The following NECTIN2 variants were observed in gnomAD, a reference collection of about 807,000 sequenced individuals.
The protein encoded by NECTIN2 is nectin-2.
Under a neutral mutation model 56.9 loss-of-function variants are expected in NECTIN2, and 23 were observed. The observed-to-expected ratio is 0.40, with a 90% CI of 0.29 to 0.57. The LOEUF is 0.57. NECTIN2 is among the 20% of genes least tolerant of loss of function. The probability of loss-of-function intolerance (pLI) is 0.38; values close to 1 mark genes in which losing one functional copy is unlikely to be tolerated. For synonymous variants in NECTIN2, 302 were observed against 313.8 expected (o/e 0.96, Z 0.40); for missense variants, 587 against 718.3 (o/e 0.82, Z 2.09).
intron 5 of NECTIN2, among the ~76,000 whole-genome samples, chr19:44,879,977 G>T (rs748774637): frequency 1.3e-5 from 2 of 152,162 alleles, no homozygotes; most frequent in Non-Finnish European, 2.9e-5. Context: ...TGTGGACCGA[G>T]GGGCAGTCTC....
At chr19:44,873,273 C>T (rs569225514) in intron 3 of NECTIN2, among the ~76,000 whole-genome samples, 8 of 151,430 alleles carry the variant, frequency 5.3e-5, no homozygotes, top group African/African-American at 1.7e-4. Flanking sequence ...TCGTCTGTGC[C>T]ACTTTCCTCC....
At chr19:44,884,430 C>T (rs1969338673) in intron 6 of NECTIN2, among the ~76,000 whole-genome samples, 1 of 152,178 alleles carries the variant, frequency 6.6e-6, no homozygotes, top group South Asian at 2.1e-4. Context: ...GCTCGGATTA[C>T]AGGCGTGAGC....
Position 44,874,132 on chromosome 19 carries a change from T to C in NECTIN2, c.893+99T>C, listed in dbSNP as rs1969209371. 8.2e-7 allele frequency: 1 copy of C among 1,220,522 alleles called. No individual in the cohort carries two copies. The highest frequency in any genetic ancestry group is 2.2e-5 in the Admixed American group (1 of 45,646). 75.6% of individuals were successfully genotyped at this position (1,220,522 alleles called of 1,614,324 possible). ...AGGAGGGGCTGGGGGCCTGGACTCC[T>C]GGATCTGAGGGAGGAGGGGCTGGGC... is the stretch of plus-strand genomic sequence containing the variant. On this transcript the variant is annotated intron_variant, in intron 4 of 8. Coordinates refer to ENST00000252483, the MANE Select transcript of NECTIN2 (RefSeq NM_001042724.2). The surrounding 1 kb of genome is among the most constrained non-coding windows in gnomAD (Gnocchi z 6.3).
intron 5 of NECTIN2, chr19:44,878,554 A>T: frequency 6.2e-7 from 1 of 1,613,814 alleles, no homozygotes; most frequent in East Asian, 2.2e-5. Context: ...CACCCCCAGC[A>T]CTCGAGGATG....
chr19:44,889,182 T>G lies in NECTIN2; in HGVS notation c.*803T>G, dbSNP rs1430962195. The G allele has an allele frequency of 6.6e-6, 1 of 152,288 alleles. No individual in the cohort carries two copies. Among genetic ancestry groups the G allele is most frequent in the Non-Finnish European group, 1.5e-5 (1 of 68,052 alleles). The allele number at this position is 152,288 out of a possible 1,614,324, so 9.4% of individuals were successfully genotyped here. A position where few individuals can be genotyped will look rare whatever the true frequency, so the allele number is the denominator to read the frequency against. ...ATTGGGGGTAGCAATTGATACTGTTTTGTAAACTACATTTCCTACAAAATA... is the reference window on the plus strand; with the variant it reads ...ATTGGGGGTAGCAATTGATACTGTTGTGTAAACTACATTTCCTACAAAATA... On this transcript the variant is annotated 3_prime_UTR_variant, in exon 9 of 9. Coordinates refer to ENST00000252483, the MANE Select transcript of NECTIN2 (RefSeq NM_001042724.2).
intron 1 of NECTIN2, among the ~76,000 whole-genome samples, chr19:44,854,704 T>C (rs749199355): frequency 1.3e-5 from 2 of 151,892 alleles, no homozygotes; most frequent in Non-Finnish European, 2.9e-5. Context: ...TCCCAGCTAC[T>C]TGGGAGGCTG....
chr19:44,856,590 T>C (rs575734952), intron 1 of NECTIN2, among the ~76,000 whole-genome samples: 3 of 152,282 alleles, frequency 2.0e-5, no homozygotes, highest in South Asian at 2.1e-4. Context: ...TTGACCCTCA[T>C]TGAGTGGCCT....
rs1568599744 is a variant in NECTIN2 at position 44,882,306 on chromosome 19, C to G, written c.1138C>G (p.Leu380Val). ...IATAVAATGI[L>V]ICRQQRKEQT... ...TACTGCTGTGGCTGCCACGGGCATCCTTATCTGCCGGCAGCAGCGGAAGGA... is the reference window on the plus strand; with the variant it reads ...TACTGCTGTGGCTGCCACGGGCATCGTTATCTGCCGGCAGCAGCGGAAGGA... Residue 380 changes from leucine to valine, a missense_variant, in exon 6 of 9, where the codon CTT becomes GTT. Transcript: ENST00000252483. 1 of 1,556,578 alleles carries G rather than the reference C, an allele frequency of 6.4e-7. No homozygotes were observed. The highest frequency in any genetic ancestry group is 8.7e-7 in the Non-Finnish European group (1 of 1,150,650).
At chr19:44,886,329 G>C in intron 8 of NECTIN2, 110 bp downstream of exon 8, 2 of 869,192 alleles carry the variant, frequency 2.3e-6, no homozygotes, top group Non-Finnish European at 3.6e-6. Context: ...AAGGTCAAGG[G>C]TGTGTCCCCG....
chr19:44,850,010 G>A (rs1308445983), intron 1 of NECTIN2, among the ~76,000 whole-genome samples: 1 of 152,182 alleles, frequency 6.6e-6, no homozygotes, highest in African/African-American at 2.4e-5. Context: ...GAGGCACAGA[G>A]CAGAGACCAG....
At chr19:44,882,039 A>T in intron 5 of NECTIN2, 172 bp from the exon 6 acceptor site, 1 of 473,522 alleles carries the variant, frequency 2.1e-6, no homozygotes, top group Non-Finnish European at 3.4e-6. Context: ...TGCGGGGCAC[A>T]CATCCTCGCT....
In NECTIN2 at chr19:44,853,629, C is replaced by T. The variant is rs190372056; in HGVS notation, c.88+7016C>T. Among the ~76,000 whole-genome samples, 875 of 151,904 alleles carry T rather than the reference C, an allele frequency of 5.8e-3. 5 individuals are homozygous for T. The highest frequency in any genetic ancestry group is 0.02 in the African/African-American group (827 of 41,424). On this transcript the variant is annotated intron_variant, in intron 1 of 8. Transcript: ENST00000252483. ...TCAGCCTCCTGAATAGCTGGGATTA[C>T]GGGGGCCCGCCACCACGCCCGGCTA...
chr19:44,859,347 C>G (rs796242434), intron 1 of NECTIN2, among the ~76,000 whole-genome samples: 8 of 152,234 alleles, frequency 5.3e-5, no homozygotes, highest in African/African-American at 1.9e-4. Flanking sequence ...GCCCTTGGGA[C>G]GCAGGCACTA....
intron 1 of NECTIN2, among the ~76,000 whole-genome samples, chr19:44,864,021 C>A (rs983529026): frequency 6.6e-5 from 10 of 151,236 alleles, no homozygotes; most frequent in Admixed American, 2.6e-4. Flanking sequence ...TTCCCCCCCC[C>A]CAAAAAAAAA....
At position 44,865,847 on chromosome 19, in the gene NECTIN2, GCAGGCAAC is replaced by G. The variant is rs1432753436; in HGVS notation, c.478+194_478+201del. On this transcript the variant is annotated intron_variant, in intron 2 of 8. Coordinates refer to ENST00000252483, the MANE Select transcript of NECTIN2 (RefSeq NM_001042724.2). This position sits in a 1 kb window ranked among gnomAD's most constrained non-coding sequence, Gnocchi z 5.2. ...TGCTTTTCTGTGTGCTGAGGATGTG[GCAGGCAAC>G]CAGGCATTCTTGGGAAAAACAAAAA... Among the ~76,000 whole-genome samples the G allele has an allele frequency of 6.6e-6, 1 of 152,144 alleles. No homozygotes were observed. Among genetic ancestry groups the G allele is most frequent in the Non-Finnish European group, 1.5e-5 (1 of 68,028 alleles).
chr19:44,878,103 C>T, intron 5 of NECTIN2: 1 of 595,766 alleles, frequency 1.7e-6, no homozygotes, highest in East Asian at 2.8e-5. Context: ...TCTGGTCACT[C>T]CCGCTCCCTC....
chr19:44,886,408 G>C (rs1969362007), intron 8 of NECTIN2, among the ~76,000 whole-genome samples, 189 bp downstream of exon 8: 1 of 152,186 alleles, frequency 6.6e-6, no homozygotes, highest in Non-Finnish European at 1.5e-5. Flanking sequence ...AAGGCCCAAG[G>C]TCACAAGGTT....
intron 1 of NECTIN2, among the ~76,000 whole-genome samples, chr19:44,855,918 A>T (rs1346137968): frequency 1.3e-5 from 2 of 152,198 alleles, no homozygotes; most frequent in Non-Finnish European, 1.5e-5. Flanking sequence ...TTGACCTATA[A>T]GATGTGAAAG....
intron 5 of NECTIN2, among the ~76,000 whole-genome samples, chr19:44,877,704 C>A (rs3865427): frequency 0.08 from 12,136 of 152,274 alleles, 645 homozygotes; most frequent in South Asian, 0.15. Context: ...AAGCTCATAG[C>A]TTTGTGAGGA....
Sources: allele counts gnomAD v4.1 joint callset (sites outside exome capture counted in the v4.1 genomes callset), GRCh38; gene constraint gnomAD v4.1.1; non-coding constraint Gnocchi (gnomAD v3.1); transcripts MANE v1.5; gene names NCBI Gene and HGNC (gene_info 2026-07-23, HGNC 2026-07-21).